ATXN2: variants seen among roughly 807,000 people sequenced by gnomAD.
ATXN2 encodes the protein ataxin 2.
ATXN2 carries 37 observed loss-of-function variants against 138.6 expected under a neutral mutation model. The observed-to-expected ratio is 0.27, with a 90% CI of 0.21 to 0.35. The LOEUF (loss-of-function observed/expected upper bound fraction) is 0.35, where lower values mean the gene tolerates loss of function less well. ATXN2 is among the 10% of genes least tolerant of loss of function. ATXN2 has a pLI of 1.00. For missense variants in ATXN2, 1,216 were observed against 1,480.3 expected (o/e 0.82, Z 2.93); for synonymous variants, 549 against 543.7 (o/e 1.01, Z -0.13).
intron 1 of ATXN2, among the ~76,000 whole-genome samples, chr12:111,557,552 C>T (rs745883311): frequency 3.5e-4 from 54 of 152,214 alleles, no homozygotes; most frequent in Non-Finnish European, 6.9e-4. Context: ...TGCAACATGT[C>T]TAATCTATCA....
chr12:111,469,948 A>T, intron 20 of ATXN2, 160 bp downstream of exon 20: 1 of 832,246 alleles, frequency 1.2e-6, no homozygotes, highest in Non-Finnish European at 1.7e-6. Context: ...GCCAAAAGTT[A>T]TAAAGCAAGT....
At chr12:111,549,540 TA>T (rs113728680) in intron 5 of ATXN2, among the ~76,000 whole-genome samples, 68 of 138,002 alleles carry the variant, frequency 4.9e-4, no homozygotes, top group Admixed American at 5.1e-4. Flanking sequence ...CATCTCGAAA[TA>T]AAAAAAAAAA....
chr12:111,523,874 G>A (rs1880331276), intron 6 of ATXN2, among the ~76,000 whole-genome samples: 1 of 151,616 alleles, frequency 6.6e-6, no homozygotes, highest in African/African-American at 2.4e-5. Context: ...ATCACCCTGG[G>A]CAACATGGTA....
intron 1 of ATXN2, among the ~76,000 whole-genome samples, chr12:111,591,990 G>A (rs1211638765): frequency 2.0e-5 from 3 of 151,534 alleles, no homozygotes; most frequent in Non-Finnish European, 2.9e-5. Flanking sequence ...GCTGAGGCAG[G>A]AGAATCGCTT....
intron 1 of ATXN2, among the ~76,000 whole-genome samples, chr12:111,561,332 G>A (rs1247196904): frequency 2.0e-5 from 3 of 146,644 alleles, no homozygotes; most frequent in African/African-American, 7.6e-5. Context: ...ATCACTACTA[G>A]ATATACAAAA....
chr12:111,513,420 C>A lies in ATXN2; in HGVS notation c.1495G>T (p.Ala499Ser). 6.2e-7 allele frequency: 1 copy of A among 1,614,064 alleles called. No homozygotes were observed. The highest frequency in any genetic ancestry group is 1.3e-5 in the African/African-American group (1 of 75,036). The part of the protein sequence containing the change: ...FVSHNPPSEA[A>S]TPPVARTSPS... ...CTGGTCCTTGCTACTGGAGGAGTAG[C>A]TGCTTCACTGGGTGGGTTGTGGGAT... is the stretch of plus-strand genomic sequence containing the variant. Residue 499 changes from alanine to serine, a missense_variant, in exon 11 of 25, where the codon GCT becomes TCT. Physicochemically the swap from Ala to Ser is moderately conservative, Grantham distance 99. Coordinates refer to ENST00000673436, the MANE Select transcript of ATXN2 (RefSeq NM_001372574.1).
At chr12:111,537,225 G>A (rs936796410) in intron 5 of ATXN2, among the ~76,000 whole-genome samples, 1 of 152,148 alleles carries the variant, frequency 6.6e-6, no homozygotes, top group South Asian at 2.1e-4. Flanking sequence ...ATTTGGCCAT[G>A]AAAAAGAAAG....
At chr12:111,545,453 G>A (rs11837800) in intron 5 of ATXN2, among the ~76,000 whole-genome samples, 15,158 of 151,116 alleles carry the variant, frequency 0.1, 2,527 homozygotes, top group African/African-American at 0.35. Flanking sequence ...AAAATTAGCC[G>A]GGCGTGGTGG....
chr12:111,478,477 C>T (rs10161383), intron 18 of ATXN2, among the ~76,000 whole-genome samples: 15,561 of 152,058 alleles, frequency 0.1, 2,660 homozygotes, highest in African/African-American at 0.35. Context: ...CAGCTGAAAA[C>T]AAACACACAC....
rs778412470 is a variant in ATXN2 at position 111,598,960 on chromosome 12, CTGCTGCTGCTGCTGCTGT to C, written c.57_74del (p.Gln23_Gln28del). ...CAGCCGCGGGCGGCGGCTGCTGCTGCTGCTGCTGCTGCTGCTGTTGCTGCTGCTGCTGCTGCTGCTGCT... is the reference window on the plus strand; with the variant it reads ...CAGCCGCGGGCGGCGGCTGCTGCTGCTGCTGCTGCTGCTGCTGCTGCTGCT... On this transcript the variant is annotated inframe_deletion, in exon 1 of 25. Transcript: ENST00000673436. This position sits in a 1 kb window ranked among gnomAD's most constrained non-coding sequence, Gnocchi z 4.5. 113 of 1,500,368 alleles carry C rather than the reference CTGCTGCTGCTGCTGCTGT, an allele frequency of 7.5e-5. 1 individual carries two copies. The highest frequency in any genetic ancestry group is 3.3e-4 in the South Asian group (27 of 80,714). 92.9% of individuals were successfully genotyped at this position (1,500,368 alleles called of 1,614,324 possible).
At chr12:111,562,096 C>A (rs950256114) in intron 1 of ATXN2, among the ~76,000 whole-genome samples, 1 of 151,564 alleles carries the variant, frequency 6.6e-6, no homozygotes, top group Non-Finnish European at 1.5e-5. Context: ...CAGGTGTGAG[C>A]CACTGCGCCC....
chr12:111,598,318 A>G lies in ATXN2; in HGVS notation c.251+466T>C. 1 of 997,226 alleles carries G rather than the reference A, an allele frequency of 1.0e-6. No individual in the cohort carries two copies. The highest frequency in any genetic ancestry group is 1.2e-6 in the Non-Finnish European group (1 of 836,908). 61.8% of individuals were successfully genotyped at this position (997,226 alleles called of 1,614,324 possible). ...GACGCGGCCCTAACTTCTCCCCTCC[A>G]GAGATGTCCCCCATGGAGGGGGACA... On this transcript the variant is annotated intron_variant, in intron 1 of 24. Transcript: ENST00000673436. This position sits in a 1 kb window ranked among gnomAD's most constrained non-coding sequence, Gnocchi z 4.5.
At chr12:111,535,065 G>A (rs955758906) in intron 5 of ATXN2, among the ~76,000 whole-genome samples, 7 of 152,298 alleles carry the variant, frequency 4.6e-5, no homozygotes, top group African/African-American at 9.6e-5. Flanking sequence ...AGCCCAGGAA[G>A]CAGTAAGCCA....
chr12:111,540,146 A>T (rs1881418330), intron 5 of ATXN2, among the ~76,000 whole-genome samples: 1 of 144,430 alleles, frequency 6.9e-6, no homozygotes, highest in Non-Finnish European at 1.5e-5. Context: ...AGAACAAAAT[A>T]GAAATTAGAG....
At chr12:111,506,427 T>C (rs1028279530) in intron 14 of ATXN2, among the ~76,000 whole-genome samples, 1 of 152,236 alleles carries the variant, frequency 6.6e-6, no homozygotes, top group Non-Finnish European at 1.5e-5. Context: ...TATTTATATA[T>C]GTAAATTATA....
chr12:111,456,361 T>C (rs1222127765), intron 22 of ATXN2, 105 bp from the exon 23 acceptor site: 53 of 1,151,614 alleles, frequency 4.6e-5, no homozygotes, highest in Middle Eastern at 2.8e-4. Flanking sequence ...ATGATGAGGG[T>C]CACTGGAAAG....
At chr12:111,469,110 T>C (rs1338795252) in intron 20 of ATXN2, 1 of 152,202 alleles carries the variant, frequency 6.6e-6, no homozygotes, top group African/African-American at 2.4e-5. Context: ...AAAGAGGCTT[T>C]AAAAATGAAA....
chr12:111,599,059 G>A lies in ATXN2; in HGVS notation c.-25C>T, dbSNP rs938581380. On this transcript the variant is annotated 5_prime_UTR_variant, in exon 1 of 25. Transcript: ENST00000673436. ...TGGTGAGGGGCCCATACACCGGCTC[G>A]CACGCCGGGCGGGGACAGCCGGGAG... The A allele has an allele frequency of 1.4e-6, 2 of 1,444,866 alleles. No individual in the cohort carries two copies. Among genetic ancestry groups the A allele is most frequent in the Non-Finnish European group, 1.8e-6 (2 of 1,099,468 alleles). The allele number at this position is 1,444,866 out of a possible 1,614,324, so 89.5% of individuals were successfully genotyped here. A position where few individuals can be genotyped will look rare whatever the true frequency, so the allele number is the denominator to read the frequency against.
chr12:111,506,744 G>A (rs1879145783), intron 14 of ATXN2, among the ~76,000 whole-genome samples: 1 of 150,638 alleles, frequency 6.6e-6, no homozygotes, highest in South Asian at 2.1e-4. Flanking sequence ...CTGCCATCTC[G>A]GCTCACTGCA....
Sources: gnomAD v4.1 joint callset for allele counts (sites outside exome capture counted in the v4.1 genomes callset) on GRCh38, gnomAD v4.1.1 for gene constraint, Gnocchi (gnomAD v3.1) non-coding constraint, MANE v1.5 for transcripts, NCBI Gene and HGNC (gene_info 2026-07-23, HGNC 2026-07-21) for gene names.